HLA-F: variants seen among roughly 807,000 people sequenced by gnomAD.
HLA-F encodes the protein major histocompatibility complex, class I, F, also known as HLA class I histocompatibility antigen, alpha chain F.
HLA-F carries 46 observed loss-of-function variants against 49.5 expected under a neutral mutation model. The ratio of observed to expected loss-of-function variants is 0.93; its 90% CI spans 0.73 to 1.19. The LOEUF (loss-of-function observed/expected upper bound fraction) is 1.19. Among genes scored for constraint, HLA-F ranks in the 50% most tolerant of loss-of-function variants. HLA-F has a pLI of 0.00. For missense variants in HLA-F, 496 were observed against 579.6 expected (o/e 0.86, Z 1.48); for synonymous variants, 203 against 233.5 (o/e 0.87, Z 1.19).
downstream of HLA-F, chr6:29,728,261 C>T (rs1234905700): frequency 1.9e-5 from 7 of 360,966 alleles, no homozygotes; most frequent in Non-Finnish European, 3.3e-5. Context: ...GAGGGACACC[C>T]TGAAGGAAAA....
In HLA-F at chr6:29,725,060, C is replaced by T; in HGVS notation, c.640C>T (p.Pro214Ser). 1 of 1,613,958 alleles carries T rather than the reference C, an allele frequency of 6.2e-7. No homozygotes were observed. The highest frequency in any genetic ancestry group is 8.5e-7 in the Non-Finnish European group (1 of 1,179,858). ...DPPKAHVAHH[P>S]ISDHEATLRC... Reference sequence around the variant, plus strand: ...TCCAAAGGCACACGTTGCCCACCACCCCATCTCTGACCATGAGGCCACCCT... The same window carrying T: ...TCCAAAGGCACACGTTGCCCACCACTCCATCTCTGACCATGAGGCCACCCT... The change falls in exon 4 of 7, where the codon CCC becomes TCC. Residue 214 changes from proline to serine, a missense_variant. By Grantham distance (74) the Pro-to-Ser change is moderately conservative. Coordinates refer to ENST00000259951, the MANE Select transcript of HLA-F (RefSeq NM_001098479.2).
downstream of HLA-F, chr6:29,728,554 G>A (rs1776320034): frequency 6.5e-6 from 1 of 153,492 alleles, no homozygotes; most frequent in Non-Finnish European, 1.5e-5. Flanking sequence ...TTCTATCACT[G>A]CTAGTGAAGT....
At chr6:29,729,853 T>A (rs968953931), downstream of HLA-F, among the ~76,000 whole-genome samples, 4 of 152,122 alleles carry the variant, frequency 2.6e-5, no homozygotes, top group African/African-American at 2.4e-5. Flanking sequence ...TAGACAATTC[T>A]CCAAAGAAGA....
chr6:29,725,360 G>A, intron 4 of HLA-F, 54 bp downstream of exon 4: 1 of 1,611,510 alleles, frequency 6.2e-7, no homozygotes, highest in South Asian at 1.1e-5. Context: ...TTTTCTCAGG[G>A]AAAGCAGGAG....
chr6:29,737,230 A>AAAAAAC (rs1777187822), intron 3 of HLA-F, among the ~76,000 whole-genome samples: 1 of 150,776 alleles, frequency 6.6e-6, no homozygotes, highest in Non-Finnish European at 1.5e-5. Context: ...AAAAAAAAAA[A>AAAAAAC]AAAAAAAAAA....
At chr6:29,729,532 A>G (rs1776385244), downstream of HLA-F, among the ~76,000 whole-genome samples, 2 of 152,248 alleles carry the variant, frequency 1.3e-5, no homozygotes, top group Admixed American at 1.3e-4. Context: ...TAGGAGTTCA[A>G]CCTATAAATC....
chr6:29,729,445 ACAAAATT>A (rs1166084749), downstream of HLA-F: 1 of 152,210 alleles, frequency 6.6e-6, no homozygotes, highest in Non-Finnish European at 1.5e-5. Context: ...ATGATGTTGG[ACAAAATT>A]CATAGCATCA....
chr6:29,736,314 C>T (rs1777096204), intron 3 of HLA-F: 2 of 415,032 alleles, frequency 4.8e-6, no homozygotes, highest in Admixed American at 2.9e-5. Context: ...TGCGTTAGCT[C>T]CCAAGCCTAC....
At chr6:29,732,131 A>T (rs1052516507), downstream of HLA-F, among the ~76,000 whole-genome samples, 77 of 151,120 alleles carry the variant, frequency 5.1e-4, no homozygotes, top group Middle Eastern at 3.4e-3. Context: ...TGCCCAGCTA[A>T]TTTTTTTTTG....
chr6:29,736,361 C>A, intron 3 of HLA-F: 1 of 450,656 alleles, frequency 2.2e-6, no homozygotes, highest in Non-Finnish European at 4.4e-6. Context: ...ATGTCTGAGT[C>A]ACAGCATTTA....
intron 3 of HLA-F, chr6:29,735,919 C>G (rs1420828908): frequency 1.3e-5 from 2 of 152,270 alleles, no homozygotes; most frequent in Non-Finnish European, 2.9e-5. Context: ...ATTCTCCATT[C>G]TGCATGGTGA....
intron 6 of HLA-F, 175 bp downstream of exon 6, chr6:29,726,218 C>G: frequency 1.1e-6 from 1 of 935,648 alleles, no homozygotes; most frequent in South Asian, 1.3e-5. Context: ...TCTCTCACAG[C>G]TAATAAAGGT....
rs2076180 is a variant in HLA-F at position 29,723,975 on chromosome 6, C to T, written c.334+48C>T. On this transcript the variant is annotated intron_variant, in intron 2 of 6. Transcript: ENST00000259951. ...GCAGGTCACGACCACCCCCCATCCG[C>T]CACGGACCGCCCGGGTCCCTCAGAG... 5.9e-3 allele frequency: 9,241 copies of T among 1,566,076 alleles called. 273 individuals are homozygous for T. Among genetic ancestry groups the T allele is most frequent in the East Asian group, 0.058 (2,412 of 41,722 alleles).
downstream of HLA-F, among the ~76,000 whole-genome samples, chr6:29,731,561 C>CT (rs1456586332): frequency 6.6e-6 from 1 of 151,994 alleles, no homozygotes; most frequent in East Asian, 1.9e-4. Flanking sequence ...CTCCTTTCTG[C>CT]TTTTTTGTTC....
downstream of HLA-F, among the ~76,000 whole-genome samples, chr6:29,730,289 A>G (rs144480342): frequency 3.8e-3 from 582 of 152,366 alleles, 6 homozygotes; most frequent in Middle Eastern, 0.01. Flanking sequence ...GAAATGAGCC[A>G]GAAACAAAAA....
chr6:29,724,147 C>A, intron 2 of HLA-F, 26 bp from the exon 3 acceptor site: 3 of 1,612,218 alleles, frequency 1.9e-6, no homozygotes, highest in Non-Finnish European at 1.7e-6. Flanking sequence ...GCTAGCTGGG[C>A]GGGGCTGACT....
At chr6:29,724,877 G>T (rs1346340240) in intron 3 of HLA-F, among the ~76,000 whole-genome samples, 154 bp from the exon 4 acceptor site, 7 of 152,200 alleles carry the variant, frequency 4.6e-5, no homozygotes, top group Admixed American at 6.5e-5. Flanking sequence ...AGGAATAGGA[G>T]ATTTTCCCAG....
downstream of HLA-F, among the ~76,000 whole-genome samples, chr6:29,731,232 C>CATAGATAG (rs57735158): frequency 0.089 from 7,275 of 81,328 alleles, 207 homozygotes; most frequent in Middle Eastern, 0.1. Context: ...TAGATGGATA[C>CATAGATAG]ATAGATAGAT....
Position 29,724,415 on chromosome 6 carries a change from T to G in HLA-F, c.577T>G (p.Leu193Val). The G allele has an allele frequency of 1.2e-6, 2 of 1,612,670 alleles. No homozygotes were observed. The highest frequency in any genetic ancestry group is 1.7e-6 in the Non-Finnish European group (2 of 1,179,872). ...GTGCCTGGAGTTGCTCCGCAGATAC[T>G]TGGAGAATGGGAAGGAGACGCTACA... is the stretch of plus-strand genomic sequence containing the variant. ...GECLELLRRY[L>V]ENGKETLQRA... Residue 193 changes from leucine (L) to valine (V), a missense_variant, in exon 3 of 7, where the codon TTG (leucine) becomes GTG (valine). Coordinates refer to ENST00000259951, the MANE Select transcript of HLA-F (RefSeq NM_001098479.2).
Sources: gnomAD v4.1 joint callset for allele counts (sites outside exome capture counted in the v4.1 genomes callset) on GRCh38, gnomAD v4.1.1 for gene constraint, MANE v1.5 for transcripts, NCBI Gene and HGNC (gene_info 2026-07-23, HGNC 2026-07-21) for gene names.